ITGB3BP: variants seen among roughly 807,000 people sequenced by gnomAD.
ITGB3BP encodes the protein integrin subunit beta 3 binding protein, also known as centromere protein R.
A neutral mutation model predicts 29.1 loss-of-function variants in ITGB3BP; 27 were observed. The ratio of observed to expected loss-of-function variants is 0.93; its 90% CI spans 0.68 to 1.28. The LOEUF (loss-of-function observed/expected upper bound fraction) is 1.28, where lower values mean the gene tolerates loss of function less well. ITGB3BP is among the 50% of genes most tolerant of loss of function. ITGB3BP has a pLI of 0.00. For synonymous variants in ITGB3BP, 61 were observed against 61.4 expected (o/e 0.99, Z 0.03); for missense variants, 192 against 200.2 (o/e 0.96, Z 0.25).
chr1:63,491,050 T>C (rs1645635120), intron 2 of ITGB3BP, among the ~76,000 whole-genome samples: 1 of 152,164 alleles, frequency 6.6e-6, no homozygotes, highest in Non-Finnish European at 1.5e-5. Context: ...CACTAGGCTA[T>C]GTGCATTTGG....
intron 1 of ITGB3BP, among the ~76,000 whole-genome samples, chr1:63,520,456 A>G (rs981725630): frequency 6.6e-6 from 1 of 152,188 alleles, no homozygotes; most frequent in East Asian, 1.9e-4. Flanking sequence ...GGAAGGGAAG[A>G]TGATTAGCCT....
chr1:63,461,567 T>A (rs1645019422), intron 4 of ITGB3BP, among the ~76,000 whole-genome samples: 1 of 152,224 alleles, frequency 6.6e-6, no homozygotes, highest in African/African-American at 2.4e-5. Context: ...TTTATCATTA[T>A]GTTTTCCTCT....
intron 2 of ITGB3BP, among the ~76,000 whole-genome samples, chr1:63,502,716 C>T (rs1645967104): frequency 7.0e-6 from 1 of 143,270 alleles, no homozygotes; most frequent in African/African-American, 2.6e-5. Context: ...TTACTGTGTC[C>T]ATGTGTTCTC....
intron 4 of ITGB3BP, among the ~76,000 whole-genome samples, chr1:63,470,438 C>A (rs1318601696): frequency 6.6e-6 from 1 of 152,114 alleles, no homozygotes; most frequent in Non-Finnish European, 1.5e-5. Flanking sequence ...TGACAACATC[C>A]CAGAAACTAA....
chr1:63,453,840 G>A (rs1644894767), intron 7 of ITGB3BP, 78 bp downstream of exon 7: 2 of 807,194 alleles, frequency 2.5e-6, no homozygotes, highest in Non-Finnish European at 4.3e-6. Context: ...CACTAAAAAG[G>A]ATTCATGATG....
At chr1:63,520,583 A>T (rs1420529797) in intron 1 of ITGB3BP, among the ~76,000 whole-genome samples, 1 of 152,186 alleles carries the variant, frequency 6.6e-6, no homozygotes, top group African/African-American at 2.4e-5. Context: ...AAATCCTTTT[A>T]AAAAACATTT....
chr1:63,508,099 A>T (rs995837175), intron 2 of ITGB3BP, among the ~76,000 whole-genome samples: 1 of 152,220 alleles, frequency 6.6e-6, no homozygotes, highest in Non-Finnish European at 1.5e-5. Flanking sequence ...CCATGCCAGC[A>T]TAGCTGAGGA....
intron 4 of ITGB3BP, among the ~76,000 whole-genome samples, chr1:63,472,518 C>G (rs188024593): frequency 6.7e-6 from 1 of 148,276 alleles, no homozygotes; most frequent in Non-Finnish European, 1.5e-5. Flanking sequence ...CCTCTGATGC[C>G]GAGCCAAAGG....
chr1:63,523,083 T>G, intron 1 of ITGB3BP, 46 bp downstream of exon 1: 1 of 1,612,220 alleles, frequency 6.2e-7, no homozygotes, highest in Middle Eastern at 1.7e-4. Flanking sequence ...CTTCTCTTCT[T>G]GCAGAGGGCC....
chr1:63,503,248 C>T (rs1037642208), intron 2 of ITGB3BP, among the ~76,000 whole-genome samples: 1 of 152,112 alleles, frequency 6.6e-6, no homozygotes, highest in Non-Finnish European at 1.5e-5. Context: ...TTTTGATTTG[C>T]ATTTCTCTGA....
At chr1:63,479,241 G>T (rs1380361876) in intron 3 of ITGB3BP, among the ~76,000 whole-genome samples, 1 of 151,924 alleles carries the variant, frequency 6.6e-6, no homozygotes, top group South Asian at 2.1e-4. Context: ...CAAGGGATTG[G>T]TGATACCGAT....
intron 4 of ITGB3BP, among the ~76,000 whole-genome samples, chr1:63,472,715 G>A (rs972011544): frequency 7.9e-5 from 12 of 151,420 alleles, no homozygotes; most frequent in African/African-American, 2.9e-4. Flanking sequence ...AACCGCGAGT[G>A]ATCCGCCAGC....
chr1:63,452,642 T>TC, intron 7 of ITGB3BP, among the ~76,000 whole-genome samples: 1 of 127,740 alleles, frequency 7.8e-6, no homozygotes, highest in South Asian at 2.4e-4. Context: ...TCTTTTTTTT[T>TC]TTTTTAAAAG....
chr1:63,474,732 A>T (rs1414165886), intron 4 of ITGB3BP, among the ~76,000 whole-genome samples: 2 of 151,576 alleles, frequency 1.3e-5, no homozygotes, highest in African/African-American at 2.4e-5. Context: ...CCTAATCTTA[A>T]GTACCCAGGG....
intron 3 of ITGB3BP, among the ~76,000 whole-genome samples, chr1:63,484,915 CT>C (rs1219970463): frequency 6.6e-6 from 1 of 151,950 alleles, no homozygotes; most frequent in Non-Finnish European, 1.5e-5. Flanking sequence ...GCTCAGGATC[CT>C]TTTATTTTTG....
intron 4 of ITGB3BP, among the ~76,000 whole-genome samples, chr1:63,463,984 C>A: frequency 6.6e-6 from 1 of 151,912 alleles, no homozygotes; most frequent in South Asian, 2.1e-4. Flanking sequence ...AATGAAACTG[C>A]TTAATTTTAT....
rs181894174 is a variant in ITGB3BP, at chr1:63,523,014, G to A, written c.5+115C>T. On this transcript the variant is annotated intron_variant, in intron 1 of 8. Coordinates refer to ENST00000271002, the MANE Select transcript of ITGB3BP (RefSeq NM_014288.5). ...AAGGGAATTGCCTGTGGACAGAGGA[G>A]ACAAGTTCATACTCCGAAAAAATAG... is the stretch of plus-strand genomic sequence containing the variant. 1.9e-4 allele frequency: 237 copies of A among 1,231,488 alleles called. No homozygotes were observed. In the African/African-American group the frequency reaches 3.0e-3, roughly 16 times the overall value. 76.3% of individuals were successfully genotyped at this position (1,231,488 alleles called of 1,614,324 possible). A position where few individuals can be genotyped will look rare whatever the true frequency, so the allele number is the denominator to read the frequency against.
chr1:63,454,075 TA>T lies in ITGB3BP; in HGVS notation c.428-102del, dbSNP rs1315410374. ...TTCATGAGAAAAAAATAATTCAAAA[TA>T]ATACATATTTATAAGTACCAAATAT... On this transcript the variant is annotated intron_variant, in intron 6 of 8. Transcript: ENST00000271002. This position sits in a 1 kb window ranked among gnomAD's most constrained non-coding sequence, Gnocchi z 4.1. 4.9e-6 allele frequency: 3 copies of T among 617,372 alleles called. No individual in the cohort carries two copies. Among genetic ancestry groups the T allele is most frequent in the Non-Finnish European group, 8.4e-6 (3 of 356,978 alleles). The allele number at this position is 617,372 out of a possible 1,614,324, so 38.2% of individuals were successfully genotyped here.
chr1:63,469,451 CGAG>C (rs1193583228), intron 4 of ITGB3BP, among the ~76,000 whole-genome samples: 1 of 152,002 alleles, frequency 6.6e-6, no homozygotes, highest in East Asian at 1.9e-4. Flanking sequence ...CTCAGCCTCC[CGAG>C]TAGCTGGGAT....
Sources: allele counts gnomAD v4.1 joint callset (sites outside exome capture counted in the v4.1 genomes callset), GRCh38; gene constraint gnomAD v4.1.1; non-coding constraint Gnocchi (gnomAD v3.1); transcripts MANE v1.5; gene names NCBI Gene and HGNC (gene_info 2026-07-23, HGNC 2026-07-21).